Variants in MAP3K7CL observed in about 807,000 individuals in gnomAD.
The protein encoded by MAP3K7CL is MAP3K7 C-terminal like.
MAP3K7CL carries 16 observed loss-of-function variants against 18.6 expected under a neutral mutation model. The ratio of observed to expected loss-of-function variants is 0.86; its 90% CI spans 0.58 to 1.31. The LOEUF (loss-of-function observed/expected upper bound fraction) is 1.31. MAP3K7CL is among the 50% of genes most tolerant of loss of function. The pLI is 0.00. For synonymous variants in MAP3K7CL, 65 were observed against 66.8 expected (o/e 0.97, Z 0.13); for missense variants, 163 against 174.4 (o/e 0.93, Z 0.37).
chr21:29,120,546 A>G (rs1387233953), intron 4 of MAP3K7CL, among the ~76,000 whole-genome samples: 1 of 152,214 alleles, frequency 6.6e-6, no homozygotes, highest in Non-Finnish European at 1.5e-5. Context: ...TGTCTGGGAC[A>G]TAGTATTTGC....
chr21:29,133,268 C>A, intron 1 of MAP3K7CL, 38 bp from the exon 2 acceptor site: 1 of 1,489,812 alleles, frequency 6.7e-7, no homozygotes, highest in Non-Finnish European at 9.1e-7. Flanking sequence ...GGGGATGATG[C>A]TGGATAAAGT....
intron 3 of MAP3K7CL, chr21:29,092,256 C>A: frequency 1.6e-6 from 1 of 622,666 alleles, no homozygotes; most frequent in Non-Finnish European, 2.7e-6. Flanking sequence ...GATTCTGAGT[C>A]CAAGCCCAGT....
intron 4 of MAP3K7CL, among the ~76,000 whole-genome samples, chr21:29,102,229 A>G (rs1354073338): frequency 3.3e-5 from 5 of 152,204 alleles, no homozygotes; most frequent in Non-Finnish European, 7.3e-5. Context: ...GTCACTTCTC[A>G]TCTGTGCCTC....
intron 4 of MAP3K7CL, among the ~76,000 whole-genome samples, chr21:29,115,337 T>C (rs1001731993): frequency 2.4e-4 from 37 of 152,218 alleles, no homozygotes; most frequent in African/African-American, 8.4e-4. Context: ...ATTTGGCTTG[T>C]TTGTGTTTTT....
chr21:29,096,792 C>T (rs944613675), intron 4 of MAP3K7CL, among the ~76,000 whole-genome samples: 3 of 152,104 alleles, frequency 2.0e-5, no homozygotes, highest in South Asian at 2.1e-4. Context: ...TGAAATCATC[C>T]GATCTATCTC....
chr21:29,165,278 T>C (rs1555878768), intron 4 of MAP3K7CL, among the ~76,000 whole-genome samples: 3 of 152,164 alleles, frequency 2.0e-5, no homozygotes, highest in Non-Finnish European at 2.9e-5. Flanking sequence ...GTCAGAAAAA[T>C]AGACAGACTC....
upstream of MAP3K7CL, among the ~76,000 whole-genome samples, chr21:29,125,761 TCCTGGGAAA>T (rs992769614): frequency 7.9e-5 from 12 of 152,156 alleles, no homozygotes; most frequent in Admixed American, 2.0e-4. Flanking sequence ...CAAGAAGGCT[TCCTGGGAAA>T]CCTGGGAAAC....
intron 4 of MAP3K7CL, chr21:29,109,659 T>G (rs2086385450): frequency 1.0e-6 from 1 of 988,048 alleles, no homozygotes; most frequent in Non-Finnish European, 1.2e-6. Flanking sequence ...AAGTGATAAT[T>G]ACTCTGCATT....
At chr21:29,155,761 A>T (rs1483993888) in intron 3 of MAP3K7CL, among the ~76,000 whole-genome samples, 1 of 152,114 alleles carries the variant, frequency 6.6e-6, no homozygotes, top group African/African-American at 2.4e-5. Context: ...GGAGGCGGAG[A>T]TGGAGGAAAA....
intron 4 of MAP3K7CL, among the ~76,000 whole-genome samples, chr21:29,106,291 A>G (rs1462202760): frequency 2.0e-5 from 3 of 152,016 alleles, no homozygotes; most frequent in Non-Finnish European, 2.9e-5. Context: ...GGTTCAAGCT[A>G]TTCTGCCTCA....
chr21:29,139,816 C>G (rs570548615), intron 2 of MAP3K7CL, among the ~76,000 whole-genome samples: 1 of 151,144 alleles, frequency 6.6e-6, no homozygotes, highest in Admixed American at 6.6e-5. Flanking sequence ...AACTCCTGAT[C>G]TCAGGTGACC....
At chr21:29,153,714 G>A (rs1354422884) in intron 3 of MAP3K7CL, among the ~76,000 whole-genome samples, 1 of 152,112 alleles carries the variant, frequency 6.6e-6, no homozygotes, top group Non-Finnish European at 1.5e-5. Flanking sequence ...CTCCCAAAAT[G>A]CTGAGATTAC....
At chr21:29,146,084 A>G (rs1358068041) in intron 2 of MAP3K7CL, among the ~76,000 whole-genome samples, 1 of 152,026 alleles carries the variant, frequency 6.6e-6, no homozygotes, top group African/African-American at 2.4e-5. Flanking sequence ...ATAATTAAGC[A>G]GGAAGGAGTG....
At chr21:29,158,604 A>G (rs1412057920) in intron 3 of MAP3K7CL, among the ~76,000 whole-genome samples, 13 of 152,204 alleles carry the variant, frequency 8.5e-5, no homozygotes, top group Non-Finnish European at 2.9e-5. Context: ...TTGAATTTCT[A>G]TTACATCATG....
intron 4 of MAP3K7CL, among the ~76,000 whole-genome samples, chr21:29,167,157 TAC>T (rs1466720695): frequency 2.6e-5 from 4 of 152,264 alleles, no homozygotes; most frequent in Non-Finnish European, 5.9e-5. Flanking sequence ...CTAATGATGT[TAC>T]ACAGGTTCTC....
At chr21:29,102,981 C>T (rs553428924) in intron 4 of MAP3K7CL, among the ~76,000 whole-genome samples, 3 of 152,236 alleles carry the variant, frequency 2.0e-5, no homozygotes, top group East Asian at 3.9e-4. Flanking sequence ...GCTAACAGAT[C>T]GATTGCAACT....
intron 3 of MAP3K7CL, among the ~76,000 whole-genome samples, chr21:29,153,226 A>T (rs73897264): frequency 0.023 from 3,468 of 152,288 alleles, 127 homozygotes; most frequent in African/African-American, 0.079. Flanking sequence ...GTTAAAATGA[A>T]TATCTCTTTA....
At chr21:29,134,546 A>G (rs985243177) in intron 2 of MAP3K7CL, among the ~76,000 whole-genome samples, 3 of 152,168 alleles carry the variant, frequency 2.0e-5, no homozygotes, top group Admixed American at 2.0e-4. Context: ...GAAGAGGTGA[A>G]GGCTTGACTC....
At chr21:29,102,144 G>A (rs984157155) in intron 4 of MAP3K7CL, among the ~76,000 whole-genome samples, 31 of 152,236 alleles carry the variant, frequency 2.0e-4, no homozygotes, top group Non-Finnish European at 5.9e-5. Context: ...TGCCCTCTTT[G>A]AGCAGAAGAA....
Sources: gnomAD v4.1 joint callset for allele counts (sites outside exome capture counted in the v4.1 genomes callset) on GRCh38, gnomAD v4.1.1 for gene constraint, MANE v1.5 for transcripts, NCBI Gene and HGNC (gene_info 2026-07-23, HGNC 2026-07-21) for gene names.